The following NSL1 variants were observed in gnomAD, a reference collection of about 807,000 sequenced individuals.
NSL1 encodes NSL1 component of MIS12 kinetochore complex, also known as kinetochore-associated protein NSL1 homolog.
A neutral mutation model predicts 25.4 loss-of-function variants in NSL1; 11 were observed. That is an observed-to-expected ratio of 0.43 (90% CI 0.27 to 0.72). The LOEUF (loss-of-function observed/expected upper bound fraction) is 0.72, where lower values mean the gene tolerates loss of function less well. Ranked by LOEUF, NSL1 falls within the 30% of genes least tolerant of loss-of-function variation. The pLI is 0.19. For missense variants in NSL1, 330 were observed against 342.7 expected (o/e 0.96, Z 0.29); for synonymous variants, 118 against 120.6 (o/e 0.98, Z 0.14).
chr1:212,760,332 C>A lies in NSL1; in HGVS notation c.500-20731G>T, dbSNP rs910764337. On this transcript the variant is annotated intron_variant, in intron 4 of 5. Transcript: ENST00000366977. This position sits in a 1 kb window ranked among gnomAD's most constrained non-coding sequence, Gnocchi z 4.3. ...ACTCTACCACACCAGTGTCTGAGAG[C>A]GCCATCTAGGGGCCCAGGAATAGCC... Among the ~76,000 whole-genome samples the A allele has an allele frequency of 2.0e-5, 3 of 152,132 alleles. No homozygotes were observed. The highest frequency in any genetic ancestry group is 2.9e-5 in the Non-Finnish European group (2 of 68,016).
At chr1:212,769,112 T>A (rs1483394683) in intron 4 of NSL1, among the ~76,000 whole-genome samples, 1 of 151,956 alleles carries the variant, frequency 6.6e-6, no homozygotes, top group Non-Finnish European at 1.5e-5. Context: ...CCTAACTGAC[T>A]TTGGGACAGC....
Position 212,730,707 on chromosome 1 carries a change from G to A in NSL1, c.*7701C>T. On this transcript the variant is annotated 3_prime_UTR_variant, in exon 6 of 6. Coordinates refer to ENST00000366977, the MANE Select transcript of NSL1 (RefSeq NM_015471.4). ...TGTCAATGCCATCCTCTGCTCTTAT[G>A]TCCTGCAGGGATATGGGAATTAGAC... The A allele has an allele frequency of 1.0e-5, 10 of 985,386 alleles. No homozygotes were observed. The highest frequency in any genetic ancestry group is 1.2e-5 in the Non-Finnish European group (10 of 829,910). 61.0% of individuals were successfully genotyped at this position (985,386 alleles called of 1,614,324 possible). A position where few individuals can be genotyped will look rare whatever the true frequency, so the allele number is the denominator to read the frequency against.
At chr1:212,761,096 A>G (rs1659541620) in intron 4 of NSL1, among the ~76,000 whole-genome samples, 1 of 152,246 alleles carries the variant, frequency 6.6e-6, no homozygotes, top group Non-Finnish European at 1.5e-5. Context: ...TACAGGCAAA[A>G]GTCTTTTCCT....
chr1:212,749,998 T>C (rs1378162922), intron 4 of NSL1, among the ~76,000 whole-genome samples: 1 of 150,686 alleles, frequency 6.6e-6, no homozygotes, highest in African/African-American at 2.4e-5. Flanking sequence ...AAAAACTTTC[T>C]TTCACTTTTT....
At chr1:212,780,695 T>C (rs1175913304) in intron 4 of NSL1, among the ~76,000 whole-genome samples, 3 of 152,176 alleles carry the variant, frequency 2.0e-5, no homozygotes, top group Non-Finnish European at 4.4e-5. Flanking sequence ...ATCAGTTTCA[T>C]ATGATTCTAC....
chr1:212,776,136 A>G (rs979056000), intron 4 of NSL1, among the ~76,000 whole-genome samples: 3 of 152,148 alleles, frequency 2.0e-5, no homozygotes, highest in Non-Finnish European at 4.4e-5. Flanking sequence ...TTTTTTAACA[A>G]TAAGGAAAAT....
chr1:212,777,421 C>T lies in NSL1; in HGVS notation c.499+4951G>A, dbSNP rs115756348. Among the ~76,000 whole-genome samples the T allele has an allele frequency of 6.5e-3, 979 of 151,630 alleles. 12 individuals are homozygous for T. Among genetic ancestry groups the T allele is most frequent in the African/African-American group, 0.021 (852 of 41,398 alleles). ...AGATGTCAAGAAAAAAAGGAACAAT[C>T]TAAGTTAGTCCCCCTGTAAAGGAAT... is the stretch of plus-strand genomic sequence containing the variant. On this transcript the variant is annotated intron_variant, in intron 4 of 5. Coordinates refer to ENST00000366977, the MANE Select transcript of NSL1 (RefSeq NM_015471.4).
intron 1 of NSL1, 54 bp downstream of exon 1, chr1:212,791,476 C>G (rs559612869): frequency 2.0e-6 from 3 of 1,491,452 alleles, no homozygotes; most frequent in East Asian, 4.6e-5. Flanking sequence ...TCCTAAGATC[C>G]TGGGTGTTGG....
Position 212,738,675 on chromosome 1 carries a change from T to C in NSL1, c.579A>G (p.Ala193=), listed in dbSNP as rs761005902. The C allele has an allele frequency of 5.0e-6, 8 of 1,613,388 alleles. No homozygotes were observed. In the Admixed American group the frequency reaches 1.0e-4, roughly 20 times the overall value. ...AAAATCCCTCTCCTTGTTCAATTAA[T>C]GCAGGCAAGGACTTCAAACAAACAA... ...EISEAMKSLP[A]LIEQGEGFSQ... Residue 193 remains alanine (A), a synonymous_variant, in exon 6 of 6, where the codon GCA becomes GCG. Coordinates refer to ENST00000366977, the MANE Select transcript of NSL1 (RefSeq NM_015471.4).
intron 4 of NSL1, among the ~76,000 whole-genome samples, chr1:212,747,898 G>C (rs893683339): frequency 6.6e-6 from 1 of 152,062 alleles, no homozygotes; most frequent in African/African-American, 2.4e-5. Context: ...CTGAGTAGCT[G>C]GGACTACAGG....
At chr1:212,745,934 C>A (rs1658769807) in intron 4 of NSL1, among the ~76,000 whole-genome samples, 2 of 152,186 alleles carry the variant, frequency 1.3e-5, no homozygotes, top group South Asian at 4.1e-4. Flanking sequence ...CCACCACACT[C>A]TAGCCTGAAT....
chr1:212,764,642 T>C (rs1332591974), intron 4 of NSL1, among the ~76,000 whole-genome samples: 1 of 151,660 alleles, frequency 6.6e-6, no homozygotes, highest in East Asian at 1.9e-4. Context: ...GGTCAGGAGT[T>C]TGTGACCAGC....
rs1448138810 is a variant in NSL1 at position 212,739,531 on chromosome 1, T to C, written c.567+3A>G. The C allele has an allele frequency of 1.3e-5, 21 of 1,613,016 alleles. No individual in the cohort carries two copies. Among genetic ancestry groups the C allele is most frequent in the Non-Finnish European group, 1.7e-5 (20 of 1,179,544 alleles). ...GATAATTTTTTTAGCACATAGCTTT[T>C]ACCTTCATGGCTTCACTGATCTCCT... On this transcript the variant is annotated splice_donor_region_variant and intron_variant, in intron 5 of 5. Coordinates refer to ENST00000366977, the MANE Select transcript of NSL1 (RefSeq NM_015471.4).
intron 4 of NSL1, among the ~76,000 whole-genome samples, chr1:212,774,387 T>C (rs931424162): frequency 1.3e-5 from 2 of 152,038 alleles, no homozygotes; most frequent in Non-Finnish European, 1.5e-5. Flanking sequence ...TGTACCAATT[T>C]AAAAAAAATT....
Position 212,736,382 on chromosome 1 carries a change from A to G in NSL1, c.*2026T>C. 1 of 985,278 alleles carries G rather than the reference A, an allele frequency of 1.0e-6. No homozygotes were observed. The highest frequency in any genetic ancestry group is 5.2e-4 in the Middle Eastern group (1 of 1,914). 61.0% of individuals were successfully genotyped at this position (985,278 alleles called of 1,614,324 possible). Reference sequence around the variant, plus strand: ...ATTCAATCCAGACTCTTTTTATCATAGAGCAAGATTTGATTTTCAATTTTT... The same window carrying G: ...ATTCAATCCAGACTCTTTTTATCATGGAGCAAGATTTGATTTTCAATTTTT... On this transcript the variant is annotated 3_prime_UTR_variant, in exon 6 of 6. Coordinates refer to ENST00000366977, the MANE Select transcript of NSL1 (RefSeq NM_015471.4).
intron 4 of NSL1, among the ~76,000 whole-genome samples, chr1:212,749,276 T>C (rs1282072936): frequency 9.9e-5 from 15 of 152,004 alleles, no homozygotes; most frequent in Admixed American, 9.8e-4. Flanking sequence ...ATTGTTATTA[T>C]ATTGTTTACA....
At chr1:212,783,874 G>C (rs1033559748) in intron 3 of NSL1, among the ~76,000 whole-genome samples, 18 of 152,148 alleles carry the variant, frequency 1.2e-4, no homozygotes, top group Non-Finnish European at 2.4e-4. Flanking sequence ...AGATGTTCAT[G>C]ATTTTTGCAG....
rs193284542 is a variant in NSL1, at chr1:212,762,024, G to A, written c.499+20348C>T. Among the ~76,000 whole-genome samples, 346 of 151,062 alleles carry A rather than the reference G, an allele frequency of 2.3e-3. 3 individuals are homozygous for A. The highest frequency in any genetic ancestry group is 7.3e-3 in the African/African-American group (301 of 41,204). On this transcript the variant is annotated intron_variant, in intron 4 of 5. Coordinates refer to ENST00000366977, the MANE Select transcript of NSL1 (RefSeq NM_015471.4). ...GTTTTAAGAAAGTTTACAGCTGGGCGCGGTGGCTCATGCCTGTAATCCCAG... is the reference window on the plus strand; with the variant it reads ...GTTTTAAGAAAGTTTACAGCTGGGCACGGTGGCTCATGCCTGTAATCCCAG...
At chr1:212,775,827 GT>G (rs921580663) in intron 4 of NSL1, among the ~76,000 whole-genome samples, 3 of 148,640 alleles carry the variant, frequency 2.0e-5, no homozygotes, top group African/African-American at 7.3e-5. Flanking sequence ...TAAATTGGTG[GT>G]TTTTTTTTGT....
Sources: allele counts gnomAD v4.1 joint callset (sites outside exome capture counted in the v4.1 genomes callset), GRCh38; gene constraint gnomAD v4.1.1; non-coding constraint Gnocchi (gnomAD v3.1); transcripts MANE v1.5; gene names NCBI Gene and HGNC (gene_info 2026-07-23, HGNC 2026-07-21).